Variants in CAMK2G observed in about 807,000 individuals in gnomAD.
The protein encoded by CAMK2G is calcium/calmodulin-dependent protein kinase type II subunit gamma.
A neutral mutation model predicts 88.7 loss-of-function variants in CAMK2G; 23 were observed. That is an observed-to-expected ratio of 0.26 (90% CI 0.19 to 0.37). The LOEUF (loss-of-function observed/expected upper bound fraction) is 0.37, where lower values mean the gene tolerates loss of function less well. CAMK2G is among the 10% of genes least tolerant of loss of function. The pLI, the probability that CAMK2G is intolerant of heterozygous loss-of-function variation, is 1.00. For synonymous variants in CAMK2G, 263 were observed against 294.8 expected (o/e 0.89, Z 1.11); for missense variants, 476 against 780.8 (o/e 0.61, Z 4.65).
intron 4 of CAMK2G, 61 bp downstream of exon 4, chr10:73,853,131 A>G: frequency 6.7e-7 from 1 of 1,501,094 alleles, no homozygotes; most frequent in Non-Finnish European, 9.3e-7. Context: ...CCTCTTCCTG[A>G]GCCTTCATTT....
At chr10:73,864,372 C>T (rs1231146642) in intron 2 of CAMK2G, among the ~76,000 whole-genome samples, 3 of 151,886 alleles carry the variant, frequency 2.0e-5, no homozygotes. Flanking sequence ...CAGTGGCGAA[C>T]AAAACAGACA....
rs1343763359 is a variant in CAMK2G at position 73,812,647 on chromosome 10, C to T, written c.*1871G>A. 1.3e-5 allele frequency: 2 copies of T among 152,588 alleles called. No individual in the cohort carries two copies. The highest frequency in any genetic ancestry group is 1.9e-4 in the East Asian group (1 of 5,202). The allele number at this position is 152,588 out of a possible 1,614,324, so 9.5% of individuals were successfully genotyped here. A position where few individuals can be genotyped will look rare whatever the true frequency, so the allele number is the denominator to read the frequency against. ...CAAAAATTCTGCATCAAATGCCTTC[C>T]GTTTCTTGTTTAAAAGGTGATTTTT... On this transcript the variant is annotated 3_prime_UTR_variant, in exon 23 of 23. Coordinates refer to ENST00000423381, the MANE Select transcript of CAMK2G (RefSeq NM_001367534.1).
intron 14 of CAMK2G, among the ~76,000 whole-genome samples, chr10:73,829,440 G>A (rs1259574766): frequency 1.3e-5 from 2 of 151,482 alleles, no homozygotes; most frequent in East Asian, 1.9e-4. Flanking sequence ...GATTACAGGC[G>A]CCCGCCACCA....
intron 15 of CAMK2G, among the ~76,000 whole-genome samples, chr10:73,827,324 C>G (rs1051892315): frequency 6.6e-6 from 1 of 152,210 alleles, no homozygotes; most frequent in Non-Finnish European, 1.5e-5. Flanking sequence ...GTAGCTGGGA[C>G]TACAGGCGCC....
intron 14 of CAMK2G, chr10:73,837,162 C>A (rs1268871513): frequency 8.2e-6 from 3 of 364,996 alleles, no homozygotes; most frequent in Non-Finnish European, 1.0e-5. Flanking sequence ...CCTAAAAAAC[C>A]CAGAGTCAAG....
At chr10:73,829,418 C>T (rs2091949144) in intron 14 of CAMK2G, among the ~76,000 whole-genome samples, 1 of 151,902 alleles carries the variant, frequency 6.6e-6, no homozygotes, top group South Asian at 2.1e-4. Context: ...CCTTAGCCTC[C>T]TGAGTGGCTG....
chr10:73,863,130 C>T (rs535240707), intron 2 of CAMK2G, among the ~76,000 whole-genome samples: 1 of 152,370 alleles, frequency 6.6e-6, no homozygotes, highest in East Asian at 1.9e-4. Context: ...CCTCTAGCAA[C>T]AGCTCTACTT....
intron 10 of CAMK2G, among the ~76,000 whole-genome samples, chr10:73,843,789 G>T (rs1192215334): frequency 6.6e-6 from 1 of 152,034 alleles, no homozygotes; most frequent in African/African-American, 2.4e-5. Context: ...CCTTCCCCAA[G>T]TCTCTCATTT....
chr10:73,828,111 G>A lies in CAMK2G; in HGVS notation c.1064C>T (p.Ser355Leu). The change falls in exon 15 of 23, where the codon TCG becomes TTG. Residue 355 changes from serine to leucine, a missense_variant. Physicochemically the swap from Ser to Leu is moderately radical, Grantham distance 145 (BLOSUM62 -2). Transcript: ENST00000423381. Reference protein sequence around the residue: ...KSDGGVKKRKSSSSVHLMPQS... With the variant: ...KSDGGVKKRKLSSSVHLMPQS... ...CACCATTAGGTGCACGCTGGAACTC[G>A]ACTTCCTTTTCTGGACACACCACAG... The A allele has an allele frequency of 1.2e-6, 2 of 1,613,458 alleles. No homozygotes were observed. The highest frequency in any genetic ancestry group is 1.7e-6 in the Non-Finnish European group (2 of 1,179,378).
intron 4 of CAMK2G, 133 bp from the exon 5 acceptor site, chr10:73,852,452 G>C (rs1016566429): frequency 1.4e-6 from 1 of 714,176 alleles, no homozygotes; most frequent in African/African-American, 1.8e-5. Context: ...TTTCATCTGA[G>C]AGCTCAGAAC....
intron 2 of CAMK2G, among the ~76,000 whole-genome samples, chr10:73,867,421 T>C (rs769836597): frequency 6.6e-6 from 1 of 152,226 alleles, no homozygotes; most frequent in African/African-American, 2.4e-5. Flanking sequence ...GGGCTCCCGG[T>C]GCCTGCAGCC....
chr10:73,833,392 G>A (rs2092763754), intron 14 of CAMK2G, among the ~76,000 whole-genome samples: 1 of 152,106 alleles, frequency 6.6e-6, no homozygotes, highest in South Asian at 2.1e-4. Context: ...AGAGGTAGAA[G>A]CATTTTTATG....
rs568078056 is a variant in CAMK2G, at chr10:73,860,184, C to A, written c.220+646G>T. Reference sequence around the variant, plus strand: ...TTCAGCTGAACAAAGTAAAACTGAGCCAGAGTGGGTTGAGGCAGGCAAACC... The same window carrying A: ...TTCAGCTGAACAAAGTAAAACTGAGACAGAGTGGGTTGAGGCAGGCAAACC... On this transcript the variant is annotated intron_variant, in intron 3 of 22. Coordinates refer to ENST00000423381, the MANE Select transcript of CAMK2G (RefSeq NM_001367534.1). 6.6e-5 allele frequency among the ~76,000 whole-genome samples: 10 copies of A among 152,320 alleles called. No homozygotes were observed. The South Asian group carries it at 2.1e-3, about 32-fold the overall frequency.
chr10:73,874,312 C>A (rs1181885805), intron 1 of CAMK2G, 85 bp downstream of exon 1: 4 of 711,254 alleles, frequency 5.6e-6, no homozygotes, highest in South Asian at 6.5e-5. Context: ...CCGCAGCGGC[C>A]GGTGCAGGGC....
intron 14 of CAMK2G, 40 bp downstream of exon 14, chr10:73,837,428 G>A (rs543305695): frequency 1.3e-6 from 2 of 1,544,542 alleles, no homozygotes; most frequent in East Asian, 2.2e-5. Context: ...TGACTGCGGG[G>A]AGAAAGAGGC....
intron 2 of CAMK2G, among the ~76,000 whole-genome samples, chr10:73,867,142 C>A (rs1421947630): frequency 6.6e-6 from 1 of 152,220 alleles, no homozygotes; most frequent in Non-Finnish European, 1.5e-5. Flanking sequence ...ACCCAGCATC[C>A]TCCCCTTATC....
At position 73,842,487 on chromosome 10, in the gene CAMK2G, G is replaced by A; in HGVS notation, c.874C>T (p.Arg292Cys). The A allele has an allele frequency of 1.2e-6, 2 of 1,613,712 alleles. No individual in the cohort carries two copies. The highest frequency in any genetic ancestry group is 8.5e-7 in the Non-Finnish European group (1 of 1,179,608). The change falls in exon 11 of 23, where the codon CGC (arginine) becomes TGC (cysteine). Residue 292 changes from arginine (R) to cysteine (C), a missense_variant. Arg to Cys is a radical substitution (Grantham distance 180). Coordinates refer to ENST00000423381, the MANE Select transcript of CAMK2G (RefSeq NM_001367534.1). The surrounding 1 kb of genome is among the most constrained non-coding windows in gnomAD (Gnocchi z 4.6). ...MHRQETVECL[R>C]KFNARRKLKG... ...AGTTTTCTCCGGGCATTGAACTTGC[G>A]CAAACACTCCACAGTCTCCTGACGA...
rs117569545 is a variant in CAMK2G at position 73,866,967 on chromosome 10, T to A, written c.160+6022A>T. ...TCCTCTTTGAATCTCACTCTAAAGA[T>A]GCAAAGAGTCTCCAATTAAAAGCAA... is the stretch of plus-strand genomic sequence containing the variant. On this transcript the variant is annotated intron_variant, in intron 2 of 22. Coordinates refer to ENST00000423381, the MANE Select transcript of CAMK2G (RefSeq NM_001367534.1). Among the ~76,000 whole-genome samples the A allele has an allele frequency of 7.2e-5, 11 of 152,322 alleles. No homozygotes were observed. In the South Asian group the frequency reaches 1.7e-3, roughly 23 times the overall value.
At chr10:73,816,822 ACTTGGAG>A in intron 21 of CAMK2G, 194 bp downstream of exon 21, 1 of 1,545,066 alleles carries the variant, frequency 6.5e-7, no homozygotes, top group Non-Finnish European at 8.7e-7. Flanking sequence ...AATGAATGGC[ACTTGGAG>A]CTCAGGAGCA....
Sources: gnomAD v4.1 joint callset for allele counts (sites outside exome capture counted in the v4.1 genomes callset) on GRCh38, gnomAD v4.1.1 for gene constraint, Gnocchi (gnomAD v3.1) non-coding constraint, MANE v1.5 for transcripts, NCBI Gene and HGNC (gene_info 2026-07-23, HGNC 2026-07-21) for gene names.